Variants in THAP5 observed in about 807,000 individuals in gnomAD.
THAP5 encodes THAP domain-containing protein 5.
THAP5 carries 26 observed loss-of-function variants against 34.0 expected under a neutral mutation model. The observed-to-expected ratio is 0.77, with a 90% CI of 0.56 to 1.06. THAP5 has a LOEUF of 1.06. Ranked by LOEUF, THAP5 falls within the 50% of genes least tolerant of loss-of-function variation. The probability of loss-of-function intolerance (pLI) is 0.00; values close to 1 mark genes in which losing one functional copy is unlikely to be tolerated. For missense variants in THAP5, 394 were observed against 452.8 expected (o/e 0.87, Z 1.18); for synonymous variants, 125 against 153.0 (o/e 0.82, Z 1.35).
At chr7:108,547,573 G>A in the THAP5 span, among the ~76,000 whole-genome samples, 1 of 152,090 alleles carries the variant, frequency 6.6e-6, no homozygotes, top group African/African-American at 2.4e-5. Context: ...TTTATTTTCT[G>A]ATATTCTATA....
chr7:108,569,267 A>T, intron 1 of THAP5: 1 of 1,427,318 alleles, frequency 7.0e-7, no homozygotes. Flanking sequence ...GTTAACACCC[A>T]AACAGGCTCC....
rs138585007 is a variant in THAP5, at chr7:108,562,511, A to C, written c.*1680T>G. On this transcript the variant is annotated 3_prime_UTR_variant, in exon 3 of 3. Coordinates refer to ENST00000415914, the MANE Select transcript of THAP5 (RefSeq NM_001130475.3). ...AATAATCATCATGCATTTACAAAAC[A>C]ATATTATTTGCCAGTCAGAGTCAAC... The C allele has an allele frequency of 8.5e-5, 13 of 152,342 alleles. No individual in the cohort carries two copies. The highest frequency in any genetic ancestry group is 2.9e-4 in the African/African-American group (12 of 41,582). 9.4% of individuals were successfully genotyped at this position (152,342 alleles called of 1,614,324 possible).
chr7:108,564,921 G>A lies in THAP5; in HGVS notation c.458C>T (p.Ala153Val), dbSNP rs1232218980. 4.4e-6 allele frequency: 7 copies of A among 1,576,508 alleles called. No homozygotes were observed. The highest frequency in any genetic ancestry group is 3.3e-4 in the Middle Eastern group (2 of 5,994). The change falls in exon 3 of 3, where the codon GCT becomes GTT. Residue 153 changes from alanine (A) to valine (V), a missense_variant. By Grantham distance (64) the Ala-to-Val change is moderately conservative (BLOSUM62 0). Transcript: ENST00000415914. Reference protein sequence around the residue: ...LHSSSLVKPPAPKTGSIQNNM... With the variant: ...LHSSSLVKPPVPKTGSIQNNM... ...ATTTTGTATACTTCCTGTTTTGGGAGCTGGTGGCTTTACCAAGGAAGATGA... is the reference window on the plus strand; with the variant it reads ...ATTTTGTATACTTCCTGTTTTGGGAACTGGTGGCTTTACCAAGGAAGATGA...
intron 1 of THAP5, chr7:108,568,681 AAT>A (rs1036703166): frequency 3.2e-5 from 5 of 154,416 alleles, no homozygotes; most frequent in African/African-American, 1.2e-4. Context: ...CAGTATTTTA[AAT>A]ATGTTGCTTT....
chr7:108,569,275 T>G, intron 1 of THAP5: 1 of 1,431,204 alleles, frequency 7.0e-7, no homozygotes, highest in South Asian at 1.5e-5. Flanking sequence ...CCAAACAGGC[T>G]CCTGGGCCTC....
chr7:108,542,904 A>AC, the THAP5 span, among the ~76,000 whole-genome samples: 1 of 150,988 alleles, frequency 6.6e-6, no homozygotes, highest in South Asian at 2.1e-4. Context: ...TAGGCTCAAA[A>AC]CTTTTTTTTT....
chr7:108,560,143 T>G (rs1864416146), downstream of THAP5, among the ~76,000 whole-genome samples: 1 of 152,236 alleles, frequency 6.6e-6, no homozygotes, highest in Admixed American at 6.5e-5. Context: ...CAGTACTGCC[T>G]GGTTCTTACT....
chr7:108,569,575 G>A lies in THAP5; in HGVS notation c.-6C>T, dbSNP rs2233131. 163 of 1,551,142 alleles carry A rather than the reference G, an allele frequency of 1.1e-4. No homozygotes were observed. Among genetic ancestry groups the A allele is most frequent in the Non-Finnish European group, 1.3e-4 (151 of 1,147,026 alleles). On this transcript the variant is annotated 5_prime_UTR_variant, in exon 1 of 3. Coordinates refer to ENST00000415914, the MANE Select transcript of THAP5 (RefSeq NM_001130475.3). ...GCTGCGCAATAGCGGGGCATGACTC[G>A]GGTGAGGCCCCTGGAGACCGGGGCC... is the stretch of plus-strand genomic sequence containing the variant.
the THAP5 span, among the ~76,000 whole-genome samples, chr7:108,548,761 G>A: frequency 6.6e-6 from 1 of 152,102 alleles, no homozygotes; most frequent in Admixed American, 6.5e-5. Flanking sequence ...ACTATCATGA[G>A]AACAGCGCAG....
chr7:108,569,576 G>T lies in THAP5; in HGVS notation c.-7C>A, dbSNP rs1412239231. 3.9e-6 allele frequency: 6 copies of T among 1,551,152 alleles called. No individual in the cohort carries two copies. In the East Asian group the frequency reaches 1.5e-4, roughly 38 times the overall value. ...CTGCGCAATAGCGGGGCATGACTCGGGTGAGGCCCCTGGAGACCGGGGCCG... is the reference window on the plus strand; with the variant it reads ...CTGCGCAATAGCGGGGCATGACTCGTGTGAGGCCCCTGGAGACCGGGGCCG... On this transcript the variant is annotated 5_prime_UTR_variant, in exon 1 of 3. Coordinates refer to ENST00000415914, the MANE Select transcript of THAP5 (RefSeq NM_001130475.3).
At chr7:108,557,167 G>A (rs1186677962), downstream of THAP5, among the ~76,000 whole-genome samples, 2 of 152,258 alleles carry the variant, frequency 1.3e-5, no homozygotes, top group South Asian at 2.1e-4. Context: ...CCAGGCCTGT[G>A]ATGGGAGGGG....
chr7:108,542,108 G>A, the THAP5 span, among the ~76,000 whole-genome samples: 6 of 152,110 alleles, frequency 3.9e-5, no homozygotes, highest in South Asian at 8.3e-4. Flanking sequence ...ATAGTTTGTC[G>A]AATTTGTATT....
At position 108,564,203 on chromosome 7, in the gene THAP5, G is replaced by C; in HGVS notation, c.1176C>G (p.Val392=). 6.3e-7 allele frequency: 1 copy of C among 1,582,674 alleles called. No homozygotes were observed. The highest frequency in any genetic ancestry group is 8.6e-7 in the Non-Finnish European group (1 of 1,167,140). Residue 392 remains valine (V), a synonymous_variant, in exon 3 of 3, where the codon GTC becomes GTG. Transcript: ENST00000415914. ...AAACCTAGTTATTCTATATCATAGT[G>C]ACTTCATATGTTGTAAAATGGTTTT... ...IIENHFTTYE[V]TMI
downstream of THAP5, among the ~76,000 whole-genome samples, chr7:108,560,304 G>T (rs927127914): frequency 2.0e-5 from 3 of 152,172 alleles, no homozygotes; most frequent in African/African-American, 7.2e-5. Context: ...GCAGTTACCT[G>T]CTTGCTCACC....
the THAP5 span, among the ~76,000 whole-genome samples, chr7:108,545,362 A>C: frequency 6.6e-6 from 1 of 152,228 alleles, no homozygotes; most frequent in African/African-American, 2.4e-5. Context: ...ATTTTGAGGG[A>C]GTTGGCAGCA....
chr7:108,552,833 T>C (rs1864362798), downstream of THAP5, among the ~76,000 whole-genome samples: 2 of 152,118 alleles, frequency 1.3e-5, no homozygotes, highest in Admixed American at 6.6e-5. Context: ...ACCGTTGTTA[T>C]AGTAGGATAT....
At chr7:108,548,065 T>G in the THAP5 span, among the ~76,000 whole-genome samples, 4 of 152,222 alleles carry the variant, frequency 2.6e-5, 1 homozygote, top group Non-Finnish European at 5.9e-5. Context: ...CTGCACCTTT[T>G]CTAGGTACTG....
intron 1 of THAP5, chr7:108,568,154 A>C (rs1790525810): frequency 6.6e-6 from 1 of 152,224 alleles, no homozygotes; most frequent in Non-Finnish European, 1.5e-5. Context: ...CTGGGCTTCA[A>C]GGGAGACAAT....
chr7:108,562,942 A>G lies in THAP5; in HGVS notation c.*1249T>C, dbSNP rs1790388800. On this transcript the variant is annotated 3_prime_UTR_variant, in exon 3 of 3. Transcript: ENST00000415914. ...ACGTAAGTGGGAATGTACAGTATTA[A>G]GTATTACTCTATTATTCTGGAATTT... The G allele has an allele frequency of 6.6e-6, 1 of 152,190 alleles. No individual in the cohort carries two copies. Among genetic ancestry groups the G allele is most frequent in the South Asian group, 2.1e-4 (1 of 4,832 alleles). 9.4% of individuals were successfully genotyped at this position (152,190 alleles called of 1,614,324 possible). A position where few individuals can be genotyped will look rare whatever the true frequency, so the allele number is the denominator to read the frequency against.
Sources: allele counts gnomAD v4.1 joint callset (sites outside exome capture counted in the v4.1 genomes callset), GRCh38; gene constraint gnomAD v4.1.1; transcripts MANE v1.5; gene names NCBI Gene and HGNC (gene_info 2026-07-23, HGNC 2026-07-21).